Variants in HEATR5B observed in about 807,000 individuals in gnomAD.
HEATR5B encodes the protein HEAT repeat-containing protein 5B.
In HEATR5B, 156 loss-of-function variants were observed where a neutral mutation model predicts 224.1. That is an observed-to-expected ratio of 0.70 (90% CI 0.61 to 0.80). HEATR5B has a LOEUF of 0.80. Ranked by LOEUF, HEATR5B falls within the 30% of genes least tolerant of loss-of-function variation. The pLI is 0.00. For missense variants in HEATR5B, 2,323 were observed against 2,535.5 expected, an observed-to-expected ratio of 0.92 and a Z score of 1.80; for synonymous variants, 1,027 against 893.0, an observed-to-expected ratio of 1.15 and a Z score of -2.68.
At chr2:37,066,023 A>C in intron 8 of HEATR5B, 113 bp from the exon 9 acceptor site, 4 of 832,332 alleles carry the variant, frequency 4.8e-6, no homozygotes, top group Non-Finnish European at 7.2e-6. Flanking sequence ...AGTGTTAAAA[A>C]CTATGCAGTT....
At chr2:37,045,514 TG>T (rs950901703) in intron 18 of HEATR5B, among the ~76,000 whole-genome samples, 2 of 152,202 alleles carry the variant, frequency 1.3e-5, no homozygotes, top group Non-Finnish European at 2.9e-5. Flanking sequence ...TTCTGAATAG[TG>T]GGAACACAAA....
intron 17 of HEATR5B, among the ~76,000 whole-genome samples, chr2:37,051,941 T>C (rs1272765262): frequency 6.6e-6 from 1 of 152,136 alleles, no homozygotes; most frequent in East Asian, 1.9e-4. Flanking sequence ...AGTTTCATCA[T>C]GTTGGCCAGG....
intron 21 of HEATR5B, 149 bp from the exon 22 acceptor site, chr2:37,032,922 C>A (rs1572851099): frequency 4.4e-6 from 3 of 680,280 alleles, no homozygotes; most frequent in Non-Finnish European, 6.8e-6. Flanking sequence ...CTCTTGTTGC[C>A]CAGGCTGGAG....
rs1671945280 is a variant in HEATR5B at position 37,072,152 on chromosome 2, C to T, written c.727G>A (p.Gly243Arg). The T allele has an allele frequency of 6.2e-7, 1 of 1,614,060 alleles. No individual in the cohort carries two copies. The highest frequency in any genetic ancestry group is 8.5e-7 in the Non-Finnish European group (1 of 1,179,970). Residue 243 changes from glycine (G) to arginine (R), a missense_variant, in exon 6 of 36, where the codon GGA becomes AGA. Physicochemically the swap from Gly to Arg is moderately radical, Grantham distance 125 (BLOSUM62 -2). Coordinates refer to ENST00000233099, the MANE Select transcript of HEATR5B (RefSeq NM_019024.3). ...ATTAATGCTGTGGCCATGACTGTTCCTAAAAGTTTAGACACTGCCACTCGT... is the reference window on the plus strand; with the variant it reads ...ATTAATGCTGTGGCCATGACTGTTCTTAAAAGTTTAGACACTGCCACTCGT... ...GVRVAVSKLL[G>R]TVMATALMPK...
Position 37,001,635 on chromosome 2 carries a change from G to A in HEATR5B, c.5317+671C>T, listed in dbSNP as rs184349616. 4.1e-3 allele frequency among the ~76,000 whole-genome samples: 615 copies of A among 150,382 alleles called. 2 individuals carry two copies. The highest frequency in any genetic ancestry group is 0.034 in the Middle Eastern group (10 of 292). On this transcript the variant is annotated intron_variant, in intron 32 of 35. Transcript: ENST00000233099. ...CAGCTGATGAGCTTAAAAAAAAAAA[G>A]TCTCCTCTGACATTCTTCAGAGTTT...
In HEATR5B at chr2:37,072,143, T is replaced by C; in HGVS notation, c.736A>G (p.Met246Val). The change falls in exon 6 of 36, where the codon ATG becomes GTG. Residue 246 changes from methionine (M) to valine (V), a missense_variant. Met to Val is a conservative substitution (Grantham distance 21). This residue lies in a region of HEATR5B where 292 missense variants were observed against 332.6 expected (regional missense o/e 0.88). Coordinates refer to ENST00000233099, the MANE Select transcript of HEATR5B (RefSeq NM_019024.3). ...TGTTTTGGCATTAATGCTGTGGCCA[T>C]GACTGTTCCTAAAAGTTTAGACACT... ...VAVSKLLGTV[M>V]ATALMPKQAT... is the part of the protein sequence containing the mutation. 1.2e-6 allele frequency: 2 copies of C among 1,614,122 alleles called. No homozygotes were observed. Among genetic ancestry groups the C allele is most frequent in the Admixed American group, 1.7e-5 (1 of 60,008 alleles).
At chr2:37,065,091 A>C in intron 9 of HEATR5B, 101 bp from the exon 10 acceptor site, 2 of 1,202,160 alleles carry the variant, frequency 1.7e-6, no homozygotes, top group Non-Finnish European at 2.3e-6. Flanking sequence ...ACAATCACCA[A>C]GCTTTCACAC....
rs557666804 is a variant in HEATR5B at position 37,007,648 on chromosome 2, T to A, written c.4523-344A>T. 2.0e-5 allele frequency among the ~76,000 whole-genome samples: 3 copies of A among 152,330 alleles called. No homozygotes were observed. In the East Asian group the frequency reaches 5.8e-4, roughly 29 times the overall value. On this transcript the variant is annotated intron_variant, in intron 28 of 35. Transcript: ENST00000233099. Reference sequence around the variant, plus strand: ...CTGCACCCGGCCAAAATATTACTATTATACATGTTCGCTCATTTATGAACC... The same window carrying A: ...CTGCACCCGGCCAAAATATTACTATAATACATGTTCGCTCATTTATGAACC...
In HEATR5B at chr2:37,000,675, G is replaced by T. The variant is rs1384962702; in HGVS notation, c.5456C>A (p.Ser1819Ter). 1.9e-6 allele frequency: 3 copies of T among 1,614,034 alleles called. No individual in the cohort carries two copies. Among genetic ancestry groups the T allele is most frequent in the Non-Finnish European group, 1.7e-6 (2 of 1,180,002 alleles). Residue 1819 changes from serine to a stop codon, truncating the protein, a stop_gained, in exon 33 of 36, where the codon TCA becomes TAA. Coordinates refer to ENST00000233099, the MANE Select transcript of HEATR5B (RefSeq NM_019024.3). LOFTEE classifies it high-confidence loss of function. ...LQGIKSIVTL[S>*]MAKTEAGVQK... ...AACGCCAGCCTCAGTTTTGGCCATTGAAAGTGTCACAATACTTTTAATCCC... is the reference window on the plus strand; with the variant it reads ...AACGCCAGCCTCAGTTTTGGCCATTTAAAGTGTCACAATACTTTTAATCCC...
intron 18 of HEATR5B, among the ~76,000 whole-genome samples, chr2:37,048,308 C>A (rs1333273168): frequency 6.6e-6 from 1 of 151,822 alleles, no homozygotes; most frequent in Non-Finnish European, 1.5e-5. Flanking sequence ...TCTCAGCCTC[C>A]CAAGTAGATG....
intron 26 of HEATR5B, among the ~76,000 whole-genome samples, chr2:37,016,647 T>C (rs998911184): frequency 1.3e-5 from 2 of 152,156 alleles, no homozygotes; most frequent in African/African-American, 4.8e-5. Flanking sequence ...AGAGCCAAAT[T>C]AGTACAAGTC....
chr2:36,988,804 G>C lies in HEATR5B; in HGVS notation c.5753C>G (p.Ala1918Gly). The C allele has an allele frequency of 6.2e-7, 1 of 1,614,072 alleles. No individual in the cohort carries two copies. The highest frequency in any genetic ancestry group is 8.5e-7 in the Non-Finnish European group (1 of 1,179,986). ...LLSVFQHSNR[A>G]LSTPYIHSLA... ...TGAATGAATATAAGGAGTTGAAAGGGCACGATTGGAATGCTGGAAGACTGA... is the reference window on the plus strand; with the variant it reads ...TGAATGAATATAAGGAGTTGAAAGGCCACGATTGGAATGCTGGAAGACTGA... Residue 1918 changes from alanine to glycine, a missense_variant, in exon 35 of 36, where the codon GCC becomes GGC. Coordinates refer to ENST00000233099, the MANE Select transcript of HEATR5B (RefSeq NM_019024.3).
chr2:36,992,682 G>A (rs1292506468), intron 33 of HEATR5B, among the ~76,000 whole-genome samples: 3 of 151,906 alleles, frequency 2.0e-5, no homozygotes, highest in African/African-American at 7.3e-5. Context: ...CTCAGAGTTG[G>A]CAATGCTGCA....
intron 10 of HEATR5B, among the ~76,000 whole-genome samples, chr2:37,063,449 T>G (rs1255034694): frequency 2.6e-5 from 4 of 152,236 alleles, no homozygotes; most frequent in Non-Finnish European, 5.9e-5. Context: ...AAGGAGATTA[T>G]ATTTTACTCT....
At chr2:37,054,926 C>T (rs1670808825) in intron 16 of HEATR5B, among the ~76,000 whole-genome samples, 1 of 152,180 alleles carries the variant, frequency 6.6e-6, no homozygotes, top group Non-Finnish European at 1.5e-5. Context: ...CCTGAGGTCG[C>T]TGTAAGGATT....
intron 5 of HEATR5B, among the ~76,000 whole-genome samples, chr2:37,073,490 C>T (rs1318174986): frequency 2.0e-5 from 3 of 152,134 alleles, no homozygotes; most frequent in South Asian, 2.1e-4. Flanking sequence ...GTGATCCACC[C>T]GTCTCAGCCT....
chr2:37,066,638 T>C (rs1007271682), intron 8 of HEATR5B, among the ~76,000 whole-genome samples: 2 of 152,156 alleles, frequency 1.3e-5, no homozygotes, highest in African/African-American at 2.4e-5. Context: ...AAAGATCGCT[T>C]GCCAAACTAC....
chr2:36,990,067 AT>A (rs954033157), intron 34 of HEATR5B, among the ~76,000 whole-genome samples: 1 of 151,040 alleles, frequency 6.6e-6, no homozygotes, highest in East Asian at 1.9e-4. Context: ...ACACCTGGCT[AT>A]TTTTTTTGTA....
chr2:36,990,727 T>C lies in HEATR5B; in HGVS notation c.5618A>G (p.Asn1873Ser). 6.2e-7 allele frequency: 1 copy of C among 1,612,450 alleles called. No homozygotes were observed. The highest frequency in any genetic ancestry group is 1.1e-5 in the South Asian group (1 of 90,888). Residue 1873 changes from asparagine (N) to serine (S), a missense_variant, in exon 34 of 36, where the codon AAT becomes AGT. Asn to Ser is a conservative substitution (Grantham distance 46). Around this residue, in one of 12 missense-constraint regions of HEATR5B, gnomAD observed 844 missense variants for 812.9 expected, o/e 1.04. Coordinates refer to ENST00000233099, the MANE Select transcript of HEATR5B (RefSeq NM_019024.3). Reference protein sequence around the residue: ...AIALFLWSASNEIIGVQSLQN... With the variant: ...AIALFLWSASSEIIGVQSLQN... Reference sequence around the variant, plus strand: ...TAATGACTGGACTCCTATTATTTCATTACTAGCAGACCACAGGAAGAGTGC... The same window carrying C: ...TAATGACTGGACTCCTATTATTTCACTACTAGCAGACCACAGGAAGAGTGC...
Sources: allele counts gnomAD v4.1 joint callset (sites outside exome capture counted in the v4.1 genomes callset), GRCh38; gene constraint gnomAD v4.1.1; regional missense constraint gnomAD v4.1.1; transcripts MANE v1.5; gene names NCBI Gene and HGNC (gene_info 2026-07-23, HGNC 2026-07-21).